Variants in ITGB6 observed in about 807,000 individuals in gnomAD.
The protein encoded by ITGB6 is integrin beta-6.
Under a neutral mutation model 84.5 loss-of-function variants are expected in ITGB6, and 80 were observed. The observed-to-expected ratio is 0.95, with a 90% CI of 0.79 to 1.14. The LOEUF (loss-of-function observed/expected upper bound fraction) is 1.14, where lower values mean the gene tolerates loss of function less well. Ranked by LOEUF, ITGB6 falls within the 50% of genes most tolerant of loss-of-function variation. ITGB6 has a pLI of 0.00. For missense variants in ITGB6, 1,006 were observed against 968.0 expected (o/e 1.04, Z -0.52); for synonymous variants, 383 against 354.9 (o/e 1.08, Z -0.89).
chr2:160,106,271 C>T (rs1696903862), intron 14 of ITGB6, among the ~76,000 whole-genome samples: 2 of 152,148 alleles, frequency 1.3e-5, no homozygotes, highest in Non-Finnish European at 2.9e-5. Context: ...CTGGGGCTCA[C>T]TCTGTCACCT....
At chr2:160,137,338 C>A in intron 10 of ITGB6, 96 bp downstream of exon 10, 1 of 1,150,030 alleles carries the variant, frequency 8.7e-7, no homozygotes, top group South Asian at 1.5e-5. Flanking sequence ...TATTGAGCAC[C>A]TACTGTGCCC....
At chr2:160,195,060 C>T (rs949833953) in intron 4 of ITGB6, among the ~76,000 whole-genome samples, 1 of 152,200 alleles carries the variant, frequency 6.6e-6, no homozygotes, top group Admixed American at 6.5e-5. Context: ...GGGCTGGGCA[C>T]CATCCAGTGG....
At chr2:160,133,646 T>G (rs1330536352) in intron 10 of ITGB6, among the ~76,000 whole-genome samples, 1 of 152,112 alleles carries the variant, frequency 6.6e-6, no homozygotes, top group Admixed American at 6.5e-5. Flanking sequence ...ATTGACCACA[T>G]AGTGGGAAGT....
chr2:160,169,917 C>T (rs1308303559), intron 6 of ITGB6, among the ~76,000 whole-genome samples: 1 of 152,134 alleles, frequency 6.6e-6, no homozygotes, highest in Non-Finnish European at 1.5e-5. Context: ...ACTTCTGTTC[C>T]ATTGGCATAT....
chr2:160,119,134 A>G (rs1559102819), intron 12 of ITGB6, among the ~76,000 whole-genome samples: 1 of 152,190 alleles, frequency 6.6e-6, no homozygotes, highest in Non-Finnish European at 1.5e-5. Context: ...CAAGCTACCA[A>G]TGACTTTCTT....
chr2:160,196,099 G>T (rs1686322147), intron 3 of ITGB6, 117 bp downstream of exon 3: 3 of 880,260 alleles, frequency 3.4e-6, no homozygotes, highest in South Asian at 1.6e-5. Flanking sequence ...CTTAAGAATG[G>T]GAAATTCGAG....
At chr2:160,118,676 A>G (rs1379218699) in intron 12 of ITGB6, among the ~76,000 whole-genome samples, 3 of 151,762 alleles carry the variant, frequency 2.0e-5, no homozygotes, top group Non-Finnish European at 2.9e-5. Flanking sequence ...GCAATTAGGC[A>G]GGAGAAGGAA....
chr2:160,146,664 C>T (rs184349193), intron 7 of ITGB6, among the ~76,000 whole-genome samples: 1 of 152,342 alleles, frequency 6.6e-6, no homozygotes, highest in East Asian at 1.9e-4. Context: ...TTCTCTCTCT[C>T]TCTCTCCCTG....
intron 7 of ITGB6, among the ~76,000 whole-genome samples, chr2:160,162,705 G>A (rs937398202): frequency 3.9e-5 from 6 of 151,928 alleles, no homozygotes; most frequent in Non-Finnish European, 7.4e-5. Context: ...TGCAACCTCC[G>A]CCTCCCAGGT....
chr2:160,139,663 C>T lies in ITGB6; in HGVS notation c.1108-1464G>A, dbSNP rs1448367035. 2.0e-5 allele frequency among the ~76,000 whole-genome samples: 3 copies of T among 152,042 alleles called. No homozygotes were observed. In the East Asian group the frequency reaches 5.8e-4, roughly 29 times the overall value. ...ATTTAACAGCATATTGCAAATTTGACCAGGAATATTTTAGTGTGAATTTCC... is the reference window on the plus strand; with the variant it reads ...ATTTAACAGCATATTGCAAATTTGATCAGGAATATTTTAGTGTGAATTTCC... On this transcript the variant is annotated intron_variant, in intron 8 of 14. Coordinates refer to ENST00000283249, the MANE Select transcript of ITGB6 (RefSeq NM_000888.5).
chr2:160,118,229 A>G (rs140244832), intron 12 of ITGB6, among the ~76,000 whole-genome samples: 1 of 151,994 alleles, frequency 6.6e-6, no homozygotes, highest in Non-Finnish European at 1.5e-5. Flanking sequence ...AATTTTAAAC[A>G]AATATCCTTG....
chr2:160,114,194 T>C (rs972861795), intron 12 of ITGB6, among the ~76,000 whole-genome samples: 1 of 152,218 alleles, frequency 6.6e-6, no homozygotes, highest in Non-Finnish European at 1.5e-5. Flanking sequence ...GTTGCTTTAA[T>C]TACTTCACCA....
intron 4 of ITGB6, among the ~76,000 whole-genome samples, chr2:160,191,803 A>C (rs975968504): frequency 2.0e-5 from 3 of 152,216 alleles, no homozygotes; most frequent in African/African-American, 7.2e-5. Flanking sequence ...CTAATGAGAA[A>C]ATTTATGAAG....
At chr2:160,132,246 T>G (rs1161841414) in intron 10 of ITGB6, among the ~76,000 whole-genome samples, 1 of 152,184 alleles carries the variant, frequency 6.6e-6, no homozygotes, top group Non-Finnish European at 1.5e-5. Context: ...ACACACCTAT[T>G]AAACCAGGAA....
intron 11 of ITGB6, among the ~76,000 whole-genome samples, chr2:160,125,652 A>G (rs1574057769): frequency 6.6e-6 from 1 of 152,202 alleles, no homozygotes; most frequent in East Asian, 1.9e-4. Flanking sequence ...AGAGTTCATG[A>G]AAATCTGAAA....
chr2:160,108,336 A>G (rs1315794805), intron 13 of ITGB6, among the ~76,000 whole-genome samples: 12 of 151,972 alleles, frequency 7.9e-5, no homozygotes, highest in Admixed American at 7.2e-4. Context: ...ATAAAAACCT[A>G]TCCCTTGGAA....
intron 5 of ITGB6, among the ~76,000 whole-genome samples, chr2:160,173,488 G>C (rs1400425223): frequency 2.6e-5 from 4 of 152,122 alleles, no homozygotes; most frequent in African/African-American, 9.7e-5. Flanking sequence ...AATAATTCTT[G>C]TGGATACTTG....
chr2:160,133,856 A>G (rs1222613485), intron 10 of ITGB6, among the ~76,000 whole-genome samples: 2 of 152,236 alleles, frequency 1.3e-5, no homozygotes, highest in Non-Finnish European at 2.9e-5. Context: ...TTTGAAACCA[A>G]CGAGAACAAA....
intron 2 of ITGB6, among the ~76,000 whole-genome samples, chr2:160,197,151 AG>A (rs917099696): frequency 7.9e-5 from 12 of 152,110 alleles, no homozygotes; most frequent in African/African-American, 2.7e-4. Context: ...ATGGGTTAAA[AG>A]TCTGCTTTTT....
Sources: gnomAD v4.1 joint callset for allele counts (sites outside exome capture counted in the v4.1 genomes callset) on GRCh38, gnomAD v4.1.1 for gene constraint, MANE v1.5 for transcripts, NCBI Gene and HGNC (gene_info 2026-07-23, HGNC 2026-07-21) for gene names.